The following PTPRM variants were observed in gnomAD, a reference collection of about 807,000 sequenced individuals.
PTPRM encodes receptor-type tyrosine-protein phosphatase mu.
A neutral mutation model predicts 186.7 loss-of-function variants in PTPRM; 47 were observed. The observed-to-expected ratio is 0.25, with a 90% CI of 0.20 to 0.32. The LOEUF is 0.32. Ranked by LOEUF, PTPRM falls within the 10% of genes least tolerant of loss-of-function variation. The pLI, the probability that PTPRM is intolerant of heterozygous loss-of-function variation, is 1.00. For missense variants in PTPRM, 1,494 were observed against 1,865.0 expected (o/e 0.80, Z 3.66); for synonymous variants, 668 against 674.9 (o/e 0.99, Z 0.16).
At chr18:8,322,536 C>T (rs9959412) in intron 22 of PTPRM, among the ~76,000 whole-genome samples, 33,933 of 152,070 alleles carry the variant, frequency 0.22, 3,849 homozygotes, top group South Asian at 0.29. Context: ...ATTTAGCAAA[C>T]CAGGAGCTCA....
chr18:8,249,199 T>C (rs997406204), intron 17 of PTPRM, among the ~76,000 whole-genome samples: 2 of 152,230 alleles, frequency 1.3e-5, no homozygotes, highest in African/African-American at 4.8e-5. Flanking sequence ...AACATGATTT[T>C]TCCCCCCTCT....
chr18:8,006,877 T>C (rs2084220635), intron 7 of PTPRM, among the ~76,000 whole-genome samples: 1 of 152,222 alleles, frequency 6.6e-6, no homozygotes, highest in Admixed American at 6.5e-5. Context: ...CCATTCGAGA[T>C]TCTCTGAAGT....
chr18:8,250,689 T>C (rs150491959), intron 17 of PTPRM, among the ~76,000 whole-genome samples: 61 of 151,570 alleles, frequency 4.0e-4, no homozygotes, highest in African/African-American at 1.4e-3. Flanking sequence ...CTCAAGAGGC[T>C]GAGGCAGGAG....
chr18:8,298,589 C>T (rs955480465), intron 20 of PTPRM, among the ~76,000 whole-genome samples: 1 of 152,216 alleles, frequency 6.6e-6, no homozygotes, highest in South Asian at 2.1e-4. Flanking sequence ...CTAGCATTTG[C>T]TGAGCACTTA....
chr18:7,817,964 G>A (rs898787189), intron 2 of PTPRM, among the ~76,000 whole-genome samples: 1 of 152,214 alleles, frequency 6.6e-6, no homozygotes, highest in African/African-American at 2.4e-5. Flanking sequence ...AGCTCCGCAA[G>A]GCAGATGGTA....
intron 7 of PTPRM, among the ~76,000 whole-genome samples, chr18:7,981,758 A>C (rs2082563991): frequency 2.0e-5 from 3 of 152,198 alleles, no homozygotes; most frequent in Non-Finnish European, 2.9e-5. Flanking sequence ...CCAGCTACAC[A>C]CCCAGGCTAT....
At chr18:8,183,771 TAAAC>T (rs1261118678) in intron 14 of PTPRM, among the ~76,000 whole-genome samples, 2 of 152,176 alleles carry the variant, frequency 1.3e-5, no homozygotes, top group African/African-American at 4.8e-5. Context: ...AGACTAAAAA[TAAAC>T]AGGTAGACAA....
intron 7 of PTPRM, among the ~76,000 whole-genome samples, chr18:8,030,183 C>A (rs575882108): frequency 5.3e-5 from 8 of 152,184 alleles, no homozygotes; most frequent in Non-Finnish European, 7.3e-5. Flanking sequence ...CATCTTTATT[C>A]ACATAGTCCA....
intron 1 of PTPRM, among the ~76,000 whole-genome samples, chr18:7,724,640 A>C (rs950344129): frequency 6.6e-6 from 1 of 152,224 alleles, no homozygotes; most frequent in Non-Finnish European, 1.5e-5. Flanking sequence ...GGTACATAAA[A>C]TGGATACAAT....
At chr18:7,750,583 C>T (rs17556324) in intron 1 of PTPRM, among the ~76,000 whole-genome samples, 3 of 152,090 alleles carry the variant, frequency 2.0e-5, no homozygotes, top group Admixed American at 6.5e-5. Context: ...GACCCTCCAA[C>T]GCTCCAAAAT....
intron 7 of PTPRM, among the ~76,000 whole-genome samples, chr18:7,993,810 T>C (rs1190673080): frequency 6.6e-6 from 1 of 151,976 alleles, no homozygotes; most frequent in Non-Finnish European, 1.5e-5. Flanking sequence ...AAAGAGCAGA[T>C]ACGTATATGA....
At chr18:7,896,742 T>C (rs2049381075) in intron 3 of PTPRM, among the ~76,000 whole-genome samples, 1 of 152,204 alleles carries the variant, frequency 6.6e-6, no homozygotes, top group African/African-American at 2.4e-5. Flanking sequence ...TGGAGTTCTT[T>C]GTGCAGCAAG....
At chr18:8,294,596 C>G (rs1340473771) in intron 19 of PTPRM, among the ~76,000 whole-genome samples, 1 of 152,136 alleles carries the variant, frequency 6.6e-6, no homozygotes, top group Non-Finnish European at 1.5e-5. Flanking sequence ...GGTGGGGACA[C>G]AGCCAAACCA....
chr18:8,016,391 A>G (rs1303184092), intron 7 of PTPRM, among the ~76,000 whole-genome samples: 1 of 151,956 alleles, frequency 6.6e-6, no homozygotes, highest in African/African-American at 2.4e-5. Context: ...TTGGTGGTGC[A>G]TGCCTGTAAT....
At chr18:8,063,317 T>G (rs369778244) in intron 7 of PTPRM, among the ~76,000 whole-genome samples, 1 of 143,420 alleles carries the variant, frequency 7.0e-6, no homozygotes, top group Non-Finnish European at 1.5e-5. Flanking sequence ...TGCTTCGGCT[T>G]GCGCACACCC....
At chr18:8,244,363 C>A (rs1462249914) in intron 15 of PTPRM, among the ~76,000 whole-genome samples, 154 bp downstream of exon 15, 1 of 151,716 alleles carries the variant, frequency 6.6e-6, no homozygotes, top group Admixed American at 6.6e-5. Context: ...CTTTGTGCCA[C>A]AGGTTGCTTA....
At chr18:8,273,803 G>A (rs1161840050) in intron 19 of PTPRM, among the ~76,000 whole-genome samples, 3 of 152,200 alleles carry the variant, frequency 2.0e-5, no homozygotes, top group African/African-American at 7.2e-5. Context: ...GCAGAAAGGA[G>A]GAGAAAATGG....
At chr18:8,199,571 A>G (rs545503456) in intron 14 of PTPRM, among the ~76,000 whole-genome samples, 1 of 152,338 alleles carries the variant, frequency 6.6e-6, no homozygotes, top group South Asian at 2.1e-4. Flanking sequence ...AGAAAAATCT[A>G]CACCATGGTT....
chr18:7,898,069 G>A (rs1270556440), intron 3 of PTPRM, among the ~76,000 whole-genome samples: 1 of 152,034 alleles, frequency 6.6e-6, no homozygotes, highest in African/African-American at 2.4e-5. Flanking sequence ...ACAAATGCTT[G>A]AATATTTTGC....
Sources: gnomAD v4.1 joint callset for allele counts (sites outside exome capture counted in the v4.1 genomes callset) on GRCh38, gnomAD v4.1.1 for gene constraint, MANE v1.5 for transcripts, NCBI Gene and HGNC (gene_info 2026-07-23, HGNC 2026-07-21) for gene names.